Variants in RTF2 observed in about 807,000 individuals in gnomAD.
The protein encoded by RTF2 is UPF0549 protein C20orf43.
In RTF2, 18 loss-of-function variants were observed where a neutral mutation model predicts 38.0. That is an observed-to-expected ratio of 0.47 (90% CI 0.33 to 0.70). The LOEUF (loss-of-function observed/expected upper bound fraction) is 0.70. RTF2 is among the 30% of genes least tolerant of loss of function. The pLI, the probability that RTF2 is intolerant of heterozygous loss-of-function variation, is 0.02. For synonymous variants in RTF2, 126 were observed against 137.1 expected, an observed-to-expected ratio of 0.92 and a Z score of 0.57; for missense variants, 311 against 379.6, an observed-to-expected ratio of 0.82 and a Z score of 1.50.
At chr20:56,479,533 G>T (rs1167032313) in intron 4 of RTF2, among the ~76,000 whole-genome samples, 1 of 152,180 alleles carries the variant, frequency 6.6e-6, no homozygotes, top group African/African-American at 2.4e-5. Context: ...CCAAATCACA[G>T]ATGTTCTTAA....
chr20:56,501,294 T>A (rs1424963590), intron 5 of RTF2, among the ~76,000 whole-genome samples: 3 of 152,226 alleles, frequency 2.0e-5, no homozygotes, highest in Non-Finnish European at 2.9e-5. Flanking sequence ...GTGGCTGTTT[T>A]ATTTCTATAT....
At chr20:56,469,830 C>T (rs922944481) in intron 1 of RTF2, among the ~76,000 whole-genome samples, 1 of 152,198 alleles carries the variant, frequency 6.6e-6, no homozygotes, top group South Asian at 2.1e-4. Flanking sequence ...GCTAAACAGG[C>T]CTCTTGTTCT....
intron 5 of RTF2, 130 bp from the exon 6 acceptor site, chr20:56,513,185 C>T (rs1600835121): frequency 7.8e-7 from 1 of 1,284,992 alleles, no homozygotes; most frequent in African/African-American, 1.5e-5. Context: ...AAGGCTTTGA[C>T]CAGAAAGCCG....
chr20:56,496,136 C>T (rs4811709), intron 5 of RTF2, among the ~76,000 whole-genome samples: 54,165 of 152,076 alleles, frequency 0.36, 10,004 homozygotes, highest in East Asian at 0.64. Context: ...TTTCAGCTAA[C>T]TTCAGACCCC....
In RTF2 at chr20:56,500,115, C is replaced by T. The variant is rs1327073680; in HGVS notation, c.478-13200C>T. 2.6e-5 allele frequency among the ~76,000 whole-genome samples: 4 copies of T among 151,794 alleles called. No individual in the cohort carries two copies. In the East Asian group the frequency reaches 5.8e-4, roughly 22 times the overall value. On this transcript the variant is annotated intron_variant, in intron 5 of 8. Coordinates refer to ENST00000357348, the MANE Select transcript of RTF2 (RefSeq NM_016407.5). The stretch of plus-strand genomic sequence containing the variant: ...TGTTGTCAAGGCTGGAGTGCAATGG[C>T]GTGATCTTGGCTCACTGCAACCTCC...
intron 5 of RTF2, among the ~76,000 whole-genome samples, chr20:56,503,660 T>C (rs188890565): frequency 1.0e-3 from 157 of 152,304 alleles, no homozygotes; most frequent in African/African-American, 3.5e-3. Context: ...AAACATAATT[T>C]ACTTCAAAAA....
chr20:56,514,755 T>C lies in RTF2; in HGVS notation c.591+1327T>C, dbSNP rs943512472. ...TTCTCCCTTCATCGTTTTACTTAGG[T>C]AGAAAATAATGTCTGAAAATGGCTC... On this transcript the variant is annotated intron_variant, in intron 6 of 8. Coordinates refer to ENST00000357348, the MANE Select transcript of RTF2 (RefSeq NM_016407.5). 5.3e-5 allele frequency among the ~76,000 whole-genome samples: 8 copies of C among 152,134 alleles called. No homozygotes were observed. The East Asian group carries it at 1.5e-3, about 29-fold the overall frequency.
At chr20:56,513,477 C>G (rs770447610) in intron 6 of RTF2, 49 bp downstream of exon 6, 19 of 1,549,750 alleles carry the variant, frequency 1.2e-5, no homozygotes, top group Non-Finnish European at 1.7e-5. Context: ...TGCTCCAGAG[C>G]CGACTGCAAA....
At chr20:56,493,909 C>A (rs893526082) in intron 5 of RTF2, among the ~76,000 whole-genome samples, 3 of 152,144 alleles carry the variant, frequency 2.0e-5, no homozygotes, top group African/African-American at 7.2e-5. Context: ...CATGCAGAGT[C>A]GGACTGGGAG....
chr20:56,479,792 A>G (rs560865594), intron 4 of RTF2, among the ~76,000 whole-genome samples: 8 of 151,624 alleles, frequency 5.3e-5, no homozygotes, highest in African/African-American at 7.3e-5. Flanking sequence ...TGCATTATCA[A>G]TGAGCGGTGA....
intron 5 of RTF2, among the ~76,000 whole-genome samples, chr20:56,493,547 T>G (rs931602785): frequency 6.6e-6 from 1 of 151,744 alleles, no homozygotes; most frequent in Non-Finnish European, 1.5e-5. Flanking sequence ...TCCCAGCTAC[T>G]TGGGAGACTG....
intron 5 of RTF2, among the ~76,000 whole-genome samples, chr20:56,511,846 T>G (rs1984689600): frequency 6.6e-6 from 1 of 152,150 alleles, no homozygotes; most frequent in Non-Finnish European, 1.5e-5. Context: ...CCCTCTTTTT[T>G]TTTTGAGACG....
intron 5 of RTF2, among the ~76,000 whole-genome samples, chr20:56,497,862 G>A (rs1335450499): frequency 6.6e-6 from 1 of 152,082 alleles, no homozygotes; most frequent in Non-Finnish European, 1.5e-5. Context: ...GGCAATTGCC[G>A]ATACGCCTTC....
chr20:56,494,878 T>C (rs968213533), intron 5 of RTF2, among the ~76,000 whole-genome samples: 2 of 152,204 alleles, frequency 1.3e-5, no homozygotes, highest in African/African-American at 4.8e-5. Context: ...AAATCAGTTA[T>C]TGTATCTCTG....
At chr20:56,501,993 A>G (rs1016605514) in intron 5 of RTF2, among the ~76,000 whole-genome samples, 1 of 152,342 alleles carries the variant, frequency 6.6e-6, no homozygotes, top group South Asian at 2.1e-4. Flanking sequence ...TTAGCCCTCC[A>G]TATCTGCAGC....
chr20:56,496,139 C>T (rs923858155), intron 5 of RTF2, among the ~76,000 whole-genome samples: 2 of 152,200 alleles, frequency 1.3e-5, no homozygotes, highest in African/African-American at 4.8e-5. Context: ...CAGCTAACTT[C>T]AGACCCCTAA....
At chr20:56,471,632 T>TA (rs1378160052) in intron 1 of RTF2, 1 of 151,996 alleles carries the variant, frequency 6.6e-6, no homozygotes, top group Non-Finnish European at 1.5e-5. Context: ...TGTAAAAACT[T>TA]AAAAGAAGAA....
intron 4 of RTF2, among the ~76,000 whole-genome samples, chr20:56,483,341 C>CT (rs11376576): frequency 0.36 from 52,420 of 146,422 alleles, 9,402 homozygotes; most frequent in East Asian, 0.64. Context: ...CTTTCAATCT[C>CT]TTTTTTTTTT....
chr20:56,473,866 C>CA (rs958751414), intron 2 of RTF2, among the ~76,000 whole-genome samples: 12 of 151,332 alleles, frequency 7.9e-5, no homozygotes, highest in African/African-American at 1.7e-4. Flanking sequence ...CCAGCCTGTG[C>CA]AAAAAAAATA....
Sources: gnomAD v4.1 joint callset for allele counts (sites outside exome capture counted in the v4.1 genomes callset) on GRCh38, gnomAD v4.1.1 for gene constraint, MANE v1.5 for transcripts, NCBI Gene and HGNC (gene_info 2026-07-23, HGNC 2026-07-21) for gene names.